STK3: variants seen among roughly 807,000 people sequenced by gnomAD.
STK3 encodes the protein serine/threonine kinase 3.
A neutral mutation model predicts 58.0 loss-of-function variants in STK3; 41 were observed. The ratio of observed to expected loss-of-function variants is 0.71; its 90% CI spans 0.55 to 0.92. The LOEUF (loss-of-function observed/expected upper bound fraction) is 0.92, where lower values mean the gene tolerates loss of function less well. Among genes scored for constraint, STK3 ranks in the 40% least tolerant of loss-of-function variants. STK3 has a pLI of 0.00. For missense variants in STK3, 479 were observed against 602.7 expected, an observed-to-expected ratio of 0.79 and a Z score of 2.15; for synonymous variants, 170 against 191.0, an observed-to-expected ratio of 0.89 and a Z score of 0.91.
chr8:98,693,552 G>A (rs1824580144), intron 6 of STK3, among the ~76,000 whole-genome samples: 1 of 151,986 alleles, frequency 6.6e-6, no homozygotes, highest in South Asian at 2.1e-4. Flanking sequence ...ATCCTGTAGA[G>A]CCCCTTGAGG....
intron 8 of STK3, among the ~76,000 whole-genome samples, chr8:98,562,950 T>C (rs1586869551): frequency 6.9e-6 from 1 of 145,646 alleles, no homozygotes; most frequent in African/African-American, 2.5e-5. Flanking sequence ...GTGAACCCAA[T>C]GTATGCAAAA....
chr8:98,626,656 A>G (rs1255823663), intron 6 of STK3, among the ~76,000 whole-genome samples: 1 of 152,262 alleles, frequency 6.6e-6, no homozygotes. Context: ...AATTTAAAAG[A>G]AGTTTAAAAG....
At chr8:98,873,427 T>G (rs1206802829) in intron 3 of STK3, among the ~76,000 whole-genome samples, 1 of 152,216 alleles carries the variant, frequency 6.6e-6, no homozygotes, top group Non-Finnish European at 1.5e-5. Context: ...CTGTCTAATG[T>G]TGACAGTGGG....
chr8:98,520,363 T>C (rs148903986), intron 10 of STK3, among the ~76,000 whole-genome samples: 13 of 152,198 alleles, frequency 8.5e-5, no homozygotes, highest in African/African-American at 1.7e-4. Context: ...AGAAAATCCA[T>C]AGAAAATCCC....
the STK3 span, among the ~76,000 whole-genome samples, chr8:98,351,484 T>C: frequency 3.3e-5 from 5 of 152,334 alleles, no homozygotes; most frequent in South Asian, 4.1e-4. Flanking sequence ...TGAGTAATTG[T>C]AGGATATTCT....
At chr8:98,795,481 T>TA (rs1833098858) in intron 1 of STK3, among the ~76,000 whole-genome samples, 1 of 151,686 alleles carries the variant, frequency 6.6e-6, no homozygotes, top group Admixed American at 6.6e-5. Flanking sequence ...AGAACTGGAA[T>TA]AAGACAAGGA....
chr8:98,444,088 G>A (rs780921860), intron 1 of STK3, among the ~76,000 whole-genome samples: 7 of 152,208 alleles, frequency 4.6e-5, no homozygotes, highest in Non-Finnish European at 5.9e-5. Context: ...TGAGGAAAAC[G>A]TGGGCACAGT....
intron 4 of STK3, among the ~76,000 whole-genome samples, chr8:98,710,181 A>G (rs1292643252): frequency 6.6e-6 from 1 of 152,200 alleles, no homozygotes; most frequent in Non-Finnish European, 1.5e-5. Flanking sequence ...ACGGCTGAAT[A>G]GGAACAGCTC....
intron 8 of STK3, among the ~76,000 whole-genome samples, chr8:98,553,913 C>T (rs1811397797): frequency 6.6e-6 from 1 of 151,066 alleles, no homozygotes; most frequent in South Asian, 2.1e-4. Flanking sequence ...TGCAGTGAAC[C>T]AAGATGGCAC....
Position 98,588,458 on chromosome 8 carries a change from T to C in STK3, c.822+7574A>G, listed in dbSNP as rs374533586. Among the ~76,000 whole-genome samples the C allele has an allele frequency of 5.5e-3, 837 of 151,496 alleles. 13 individuals are homozygous for C. In the South Asian group the frequency reaches 0.061, roughly 11 times the overall value. The stretch of plus-strand genomic sequence containing the variant: ...CTCTTCTGGCTTGTAGGGTTTCTGC[T>C]GAGAGATCCGCTGTTAGTCTGATGG... On this transcript the variant is annotated intron_variant, in intron 7 of 10. Transcript: ENST00000419617.
chr8:98,725,609 T>C (rs1041793932), intron 4 of STK3, among the ~76,000 whole-genome samples: 2 of 152,186 alleles, frequency 1.3e-5, no homozygotes, highest in Non-Finnish European at 2.9e-5. Context: ...CTTGATTTCC[T>C]AAGATTAAAC....
At chr8:98,893,385 G>A (rs758713401) in intron 1 of STK3, among the ~76,000 whole-genome samples, 7 of 140,772 alleles carry the variant, frequency 5.0e-5, no homozygotes, top group Non-Finnish European at 7.6e-5. Flanking sequence ...CAAGACTTGC[G>A]AAGAAAGAGA....
chr8:98,645,353 C>T (rs1820322385), intron 6 of STK3, among the ~76,000 whole-genome samples: 1 of 152,104 alleles, frequency 6.6e-6, no homozygotes, highest in Admixed American at 6.5e-5. Flanking sequence ...GAATGTCTAG[C>T]AAAAATATGT....
At chr8:98,650,454 G>T (rs1175707201) in intron 6 of STK3, among the ~76,000 whole-genome samples, 1 of 152,222 alleles carries the variant, frequency 6.6e-6, no homozygotes, top group Non-Finnish European at 1.5e-5. Flanking sequence ...TGAGGTACCG[G>T]GTTCACCTCA....
Position 98,598,986 on chromosome 8 carries a change from C to T in STK3, c.685-2817G>A, listed in dbSNP as rs964021577. On this transcript the variant is annotated intron_variant, in intron 6 of 10. Transcript: ENST00000419617. ...GAGTACCCAGGAGATGTGGAAAGGG[C>T]TGAAAATGAGAATCAACAATGACTG... is the stretch of plus-strand genomic sequence containing the variant. The T allele has an allele frequency of 2.2e-5, 17 of 781,188 alleles. No individual in the cohort carries two copies. In the African/African-American group the frequency reaches 3.2e-4, roughly 15 times the overall value. The allele number at this position is 781,188 out of a possible 1,614,324, so 48.4% of individuals were successfully genotyped here.
intron 4 of STK3, among the ~76,000 whole-genome samples, chr8:98,730,782 A>C (rs1828132547): frequency 6.6e-6 from 1 of 151,424 alleles, no homozygotes; most frequent in Non-Finnish European, 1.5e-5. Flanking sequence ...ATACAGCTGG[A>C]TGCTGGGTAC....
chr8:98,533,705 G>T (rs1404384832), intron 9 of STK3, among the ~76,000 whole-genome samples: 1 of 152,134 alleles, frequency 6.6e-6, no homozygotes, highest in Non-Finnish European at 1.5e-5. Context: ...GCCCAGGCTG[G>T]TTTCAAACTC....
intron 1 of STK3, among the ~76,000 whole-genome samples, chr8:98,789,941 T>C (rs1340314173): frequency 1.3e-5 from 2 of 151,084 alleles, no homozygotes; most frequent in Admixed American, 6.6e-5. Context: ...GGCAGGAGAA[T>C]TGCTTGAACC....
chr8:98,773,362 A>G (rs2131479886), intron 2 of STK3, among the ~76,000 whole-genome samples: 1 of 152,258 alleles, frequency 6.6e-6, no homozygotes, highest in East Asian at 1.9e-4. Context: ...ATATCTCTTT[A>G]TTTAGTTGAA....
Sources: allele counts gnomAD v4.1 joint callset (sites outside exome capture counted in the v4.1 genomes callset), GRCh38; gene constraint gnomAD v4.1.1; transcripts MANE v1.5; gene names NCBI Gene and HGNC (gene_info 2026-07-23, HGNC 2026-07-21).